Variants in DPP10 observed in about 807,000 individuals in gnomAD.
DPP10 encodes inactive dipeptidyl peptidase 10.
In DPP10, 33 loss-of-function variants were observed where a neutral mutation model predicts 120.9. The observed-to-expected ratio is 0.27, with a 90% CI of 0.21 to 0.37. DPP10 has a LOEUF of 0.37. DPP10 is among the 10% of genes least tolerant of loss of function. DPP10 has a pLI of 1.00. For missense variants in DPP10, 816 were observed against 942.8 expected, an observed-to-expected ratio of 0.87 and a Z score of 1.76; for synonymous variants, 337 against 326.1, an observed-to-expected ratio of 1.03 and a Z score of -0.36.
chr2:114,801,158 G>A (rs1436574607), intron 1 of DPP10, among the ~76,000 whole-genome samples: 4 of 151,596 alleles, frequency 2.6e-5, no homozygotes, highest in African/African-American at 9.7e-5. Flanking sequence ...AGCTACTCGG[G>A]AGGCTGAGGC....
intron 1 of DPP10, among the ~76,000 whole-genome samples, chr2:114,677,697 G>T (rs1283724128): frequency 6.6e-6 from 1 of 151,872 alleles, no homozygotes; most frequent in Non-Finnish European, 1.5e-5. Context: ...ATAGTTAAAG[G>T]AATATAGTGT....
At chr2:115,636,400 G>T (rs888151381) in intron 5 of DPP10, among the ~76,000 whole-genome samples, 6 of 152,096 alleles carry the variant, frequency 3.9e-5, no homozygotes, top group African/African-American at 1.4e-4. Flanking sequence ...TGTAACGTAG[G>T]TTGCATGTTG....
At chr2:114,468,264 A>T (rs548028318) in intron 1 of DPP10, among the ~76,000 whole-genome samples, 13 of 152,018 alleles carry the variant, frequency 8.6e-5, no homozygotes, top group Non-Finnish European at 1.9e-4. Context: ...AGGGAGTGAG[A>T]TGTCAAAAGT....
intron 1 of DPP10, among the ~76,000 whole-genome samples, chr2:114,983,566 C>A (rs1700216625): frequency 6.6e-6 from 1 of 151,984 alleles, no homozygotes; most frequent in African/African-American, 2.4e-5. Context: ...AATTGCATTC[C>A]CCTAAGGTCA....
chr2:115,557,789 C>A (rs189343983), intron 5 of DPP10, among the ~76,000 whole-genome samples: 1 of 152,264 alleles, frequency 6.6e-6, no homozygotes, highest in African/African-American at 2.4e-5. Context: ...TTGTCACTTC[C>A]TGTGAAATGC....
chr2:114,942,409 AT>A (rs1697029360), intron 1 of DPP10, among the ~76,000 whole-genome samples: 1 of 145,658 alleles, frequency 6.9e-6, no homozygotes, highest in Non-Finnish European at 1.5e-5. Flanking sequence ...ACACATATAT[AT>A]ATATATATAT....
intron 1 of DPP10, among the ~76,000 whole-genome samples, chr2:114,986,380 T>C (rs1369951193): frequency 5.9e-5 from 9 of 152,330 alleles, no homozygotes. Context: ...AAAGAAAGCT[T>C]AGCAAACTTT....
intron 5 of DPP10, among the ~76,000 whole-genome samples, chr2:115,555,321 GT>G (rs1334055780): frequency 6.6e-6 from 1 of 152,038 alleles, no homozygotes; most frequent in Non-Finnish European, 1.5e-5. Context: ...TTGTATTAAT[GT>G]TTTTAATTTT....
At chr2:115,106,035 CTG>C (rs1162929220) in intron 1 of DPP10, among the ~76,000 whole-genome samples, 1 of 152,224 alleles carries the variant, frequency 6.6e-6, no homozygotes, top group Admixed American at 6.5e-5. Context: ...GCTATGCAGA[CTG>C]TTTCCTACTA....
At chr2:115,074,007 A>G (rs72949797) in intron 1 of DPP10, among the ~76,000 whole-genome samples, 24,906 of 152,174 alleles carry the variant, frequency 0.16, 2,296 homozygotes, top group African/African-American at 0.27. Flanking sequence ...TTTAAGACAG[A>G]AAAATGATTT....
At chr2:115,673,261 G>A (rs536816929) in intron 5 of DPP10, among the ~76,000 whole-genome samples, 1 of 151,944 alleles carries the variant, frequency 6.6e-6, no homozygotes, top group Non-Finnish European at 1.5e-5. Flanking sequence ...TATTCAGCTG[G>A]CTATCTTTTA....
At chr2:114,625,726 T>C (rs964622189) in intron 1 of DPP10, among the ~76,000 whole-genome samples, 1 of 152,074 alleles carries the variant, frequency 6.6e-6, no homozygotes, top group African/African-American at 2.4e-5. Context: ...AGAGCTCAGA[T>C]ATTTTTCATC....
intron 1 of DPP10, among the ~76,000 whole-genome samples, chr2:114,537,289 A>C (rs1686583131): frequency 6.6e-6 from 1 of 152,224 alleles, no homozygotes; most frequent in Non-Finnish European, 1.5e-5. Flanking sequence ...TATTCAGAGA[A>C]TAGCAGGCAC....
chr2:114,506,524 A>G (rs186191712), intron 1 of DPP10, among the ~76,000 whole-genome samples: 133 of 152,266 alleles, frequency 8.7e-4, no homozygotes, highest in African/African-American at 3.0e-3. Context: ...TTAACACTTA[A>G]GCCATCCAGC....
At chr2:115,621,310 T>G (rs1237447205) in intron 5 of DPP10, among the ~76,000 whole-genome samples, 1 of 152,220 alleles carries the variant, frequency 6.6e-6, no homozygotes, top group African/African-American at 2.4e-5. Flanking sequence ...CCTTCTATTA[T>G]AAAATATTAC....
intron 1 of DPP10, among the ~76,000 whole-genome samples, chr2:115,009,923 T>C (rs1295024170): frequency 6.6e-6 from 1 of 152,196 alleles, no homozygotes; most frequent in African/African-American, 2.4e-5. Flanking sequence ...TGTGGTATGA[T>C]AAGTACTGTA....
intron 7 of DPP10, among the ~76,000 whole-genome samples, chr2:115,717,564 G>A (rs2092535458): frequency 6.6e-6 from 1 of 151,782 alleles, no homozygotes; most frequent in Non-Finnish European, 1.5e-5. Flanking sequence ...GTTTTTGTGA[G>A]TGCTTAGAAG....
At chr2:115,609,701 G>A (rs2083960289) in intron 5 of DPP10, among the ~76,000 whole-genome samples, 1 of 152,124 alleles carries the variant, frequency 6.6e-6, no homozygotes, top group African/African-American at 2.4e-5. Flanking sequence ...ACAGAGAATA[G>A]TAAGAAAAAA....
intron 1 of DPP10, among the ~76,000 whole-genome samples, chr2:115,058,546 C>T (rs1414852591): frequency 6.6e-6 from 1 of 152,090 alleles, no homozygotes; most frequent in African/African-American, 2.4e-5. Flanking sequence ...ATTACAGGCA[C>T]CTGCCACCAC....
Sources: allele counts gnomAD v4.1 joint callset (sites outside exome capture counted in the v4.1 genomes callset), GRCh38; gene constraint gnomAD v4.1.1; transcripts MANE v1.5; gene names NCBI Gene and HGNC (gene_info 2026-07-23, HGNC 2026-07-21).